CCDC178: variants seen among roughly 807,000 people sequenced by gnomAD.
CCDC178 encodes coiled-coil domain-containing protein 178.
Under a neutral mutation model 117.4 loss-of-function variants are expected in CCDC178, and 126 were observed. The ratio of observed to expected loss-of-function variants is 1.07; its 90% CI spans 0.93 to 1.24. CCDC178 has a LOEUF of 1.24. CCDC178 is among the 50% of genes most tolerant of loss of function. CCDC178 has a pLI of 0.00. For synonymous variants in CCDC178, 283 were observed against 313.4 expected, an observed-to-expected ratio of 0.90 and a Z score of 1.02; for missense variants, 1,030 against 986.9, an observed-to-expected ratio of 1.04 and a Z score of -0.59.
intron 21 of CCDC178, among the ~76,000 whole-genome samples, chr18:33,073,245 T>C (rs1366930001): frequency 2.0e-5 from 3 of 151,892 alleles, no homozygotes; most frequent in Admixed American, 6.6e-5. Context: ...CCAGGTAGAC[T>C]GATAGATGGA....
Position 32,937,862 on chromosome 18 carries a change from G to C in CCDC178, c.*149C>G. 1.6e-6 allele frequency: 1 copy of C among 632,064 alleles called. No homozygotes were observed. The highest frequency in any genetic ancestry group is 2.8e-5 in the East Asian group (1 of 36,306). 39.2% of individuals were successfully genotyped at this position (632,064 alleles called of 1,614,324 possible). ...TGTTATGGATTTGCTGTGAGTAAAA[G>C]AGTGGCAAAGCATGCTGGGAGGTGA... On this transcript the variant is annotated 3_prime_UTR_variant, in exon 23 of 23. Coordinates refer to ENST00000383096, the MANE Select transcript of CCDC178 (RefSeq NM_001105528.4).
intron 20 of CCDC178, among the ~76,000 whole-genome samples, chr18:33,114,617 A>G (rs2057827839): frequency 6.6e-6 from 1 of 152,116 alleles, no homozygotes; most frequent in Admixed American, 6.6e-5. Context: ...TTCACATTCA[A>G]TTATCTTGTG....
chr18:33,159,112 T>C (rs1302606722), intron 20 of CCDC178, among the ~76,000 whole-genome samples: 1 of 152,134 alleles, frequency 6.6e-6, no homozygotes, highest in Non-Finnish European at 1.5e-5. Flanking sequence ...GCCATGTGAT[T>C]AATTTATTAT....
At chr18:33,345,691 C>A (rs2062882405) in intron 9 of CCDC178, among the ~76,000 whole-genome samples, 1 of 152,086 alleles carries the variant, frequency 6.6e-6, no homozygotes, top group African/African-American at 2.4e-5. Context: ...TCTGTGGGTA[C>A]CATAAATGCT....
At chr18:33,206,017 CTG>C (rs2059041385) in intron 20 of CCDC178, among the ~76,000 whole-genome samples, 1 of 152,178 alleles carries the variant, frequency 6.6e-6, no homozygotes. Flanking sequence ...ATTAAAGAGA[CTG>C]TTTAACATAA....
chr18:33,178,831 C>T (rs1484882414), intron 20 of CCDC178, among the ~76,000 whole-genome samples: 1 of 151,334 alleles, frequency 6.6e-6, no homozygotes, highest in Non-Finnish European at 1.5e-5. Context: ...CCATGGGCCC[C>T]TATTTTGATT....
intron 18 of CCDC178, among the ~76,000 whole-genome samples, chr18:33,216,159 T>C (rs996937829): frequency 6.6e-6 from 1 of 152,012 alleles, no homozygotes; most frequent in Admixed American, 6.6e-5. Flanking sequence ...AAAATAAAAT[T>C]GTTTATTCTC....
intron 22 of CCDC178, among the ~76,000 whole-genome samples, chr18:32,963,394 AG>A (rs2054746304): frequency 6.6e-6 from 1 of 152,024 alleles, no homozygotes; most frequent in Non-Finnish European, 1.5e-5. Context: ...TTCAGGCTGA[AG>A]TAATTCTTCC....
chr18:33,143,185 G>A (rs184931715), intron 20 of CCDC178, among the ~76,000 whole-genome samples: 159 of 152,164 alleles, frequency 1.0e-3, no homozygotes, highest in African/African-American at 3.6e-3. Flanking sequence ...AGTTTATTGG[G>A]CAAAACAGTC....
intron 22 of CCDC178, among the ~76,000 whole-genome samples, chr18:32,942,328 T>G (rs2054255773): frequency 6.6e-6 from 1 of 152,108 alleles, no homozygotes; most frequent in South Asian, 2.1e-4. Context: ...ACCTGGGGCT[T>G]GAAAAACATA....
chr18:32,990,650 T>C (rs919440108), intron 21 of CCDC178, among the ~76,000 whole-genome samples: 5 of 152,038 alleles, frequency 3.3e-5, no homozygotes, highest in African/African-American at 1.2e-4. Flanking sequence ...TAAAAGAAAA[T>C]GTCTTCAAAT....
At chr18:33,029,693 T>C (rs933756148) in intron 21 of CCDC178, among the ~76,000 whole-genome samples, 2 of 151,968 alleles carry the variant, frequency 1.3e-5, no homozygotes, top group Admixed American at 6.6e-5. Flanking sequence ...GTATATGGTG[T>C]CCTTATCATT....
At chr18:33,091,887 A>C (rs995144038) in intron 21 of CCDC178, among the ~76,000 whole-genome samples, 6 of 152,170 alleles carry the variant, frequency 3.9e-5, no homozygotes, top group Non-Finnish European at 8.8e-5. Context: ...GAGGTTGGAA[A>C]AGGCAACTTG....
At position 33,010,337 on chromosome 18, in the gene CCDC178, G is replaced by A. The variant is rs191268911; in HGVS notation, c.2389-35656C>T. Among the ~76,000 whole-genome samples the A allele has an allele frequency of 1.5e-3, 224 of 152,188 alleles. 1 individual carries two copies. The highest frequency in any genetic ancestry group is 2.5e-3 in the Non-Finnish European group (172 of 67,994). On this transcript the variant is annotated intron_variant, in intron 21 of 22. Coordinates refer to ENST00000383096, the MANE Select transcript of CCDC178 (RefSeq NM_001105528.4). ...AAGTATTCCCCTCAGATTCCCTGGC[G>A]GTCATGGAAAGCAGGAGAAATTCTT...
Position 33,224,784 on chromosome 18 carries a change from T to G in CCDC178, c.1809A>C (p.Glu603Asp), listed in dbSNP as rs2059281664. 1 of 1,527,418 alleles carries G rather than the reference T, an allele frequency of 6.5e-7. No homozygotes were observed. The highest frequency in any genetic ancestry group is 8.8e-7 in the Non-Finnish European group (1 of 1,136,978). The allele number at this position is 1,527,418 out of a possible 1,614,324, so 94.6% of individuals were successfully genotyped here. The change falls in exon 17 of 23, where the codon GAA becomes GAC. Residue 603 changes from glutamate (E) to aspartate (D), a missense_variant. Glu to Asp is a conservative substitution (Grantham distance 45). Transcript: ENST00000383096. ...EAERIRSLDK[E>D]HSVMLNNIID... is the part of the protein sequence containing the mutation. ...TTAATTAAATGCTTACAACAGAATGTTCTTTGTCGAGACTTCTGATTCTTT... is the reference window on the plus strand; with the variant it reads ...TTAATTAAATGCTTACAACAGAATGGTCTTTGTCGAGACTTCTGATTCTTT...
chr18:33,148,591 T>A (rs2058303051), intron 20 of CCDC178, among the ~76,000 whole-genome samples: 1 of 152,162 alleles, frequency 6.6e-6, no homozygotes, highest in Non-Finnish European at 1.5e-5. Flanking sequence ...TCCTATGAAT[T>A]CTGCTGGATA....
intron 21 of CCDC178, among the ~76,000 whole-genome samples, chr18:33,049,419 T>A (rs1202315065): frequency 6.6e-6 from 1 of 152,148 alleles, no homozygotes; most frequent in Non-Finnish European, 1.5e-5. Context: ...AACTAGTATA[T>A]AATTATGTAC....
At chr18:33,307,959 G>A (rs1040226965) in intron 11 of CCDC178, among the ~76,000 whole-genome samples, 1 of 152,184 alleles carries the variant, frequency 6.6e-6, no homozygotes, top group Non-Finnish European at 1.5e-5. Context: ...TTTGCTGCAG[G>A]GGCAGAGCCC....
chr18:33,353,454 T>C (rs947192872), intron 7 of CCDC178, among the ~76,000 whole-genome samples: 1 of 152,114 alleles, frequency 6.6e-6, no homozygotes, highest in African/African-American at 2.4e-5. Context: ...ATTCATTTTC[T>C]ATATTATTTA....
Sources: allele counts gnomAD v4.1 joint callset (sites outside exome capture counted in the v4.1 genomes callset), GRCh38; gene constraint gnomAD v4.1.1; transcripts MANE v1.5; gene names NCBI Gene and HGNC (gene_info 2026-07-23, HGNC 2026-07-21).